The following ARK2C variants were observed in gnomAD, a reference collection of about 807,000 sequenced individuals.
ARK2C encodes arkadia (RNF111) C-terminal like ring finger ubiquitin ligase 2C.
chr18:46,422,026 G>T, the ARK2C span, among the ~76,000 whole-genome samples: 1 of 152,328 alleles, frequency 6.6e-6, no homozygotes, highest in South Asian at 2.1e-4. Context: ...AGCCCTGGGG[G>T]CTAAGCCAAG....
the ARK2C span, among the ~76,000 whole-genome samples, chr18:46,348,894 C>A: frequency 2.9e-5 from 4 of 138,086 alleles, no homozygotes; most frequent in Admixed American, 8.0e-5. Flanking sequence ...CTCTCTCTCT[C>A]TCTTTCTGTG....
chr18:46,346,372 G>A, the ARK2C span, among the ~76,000 whole-genome samples: 17 of 152,260 alleles, frequency 1.1e-4, no homozygotes, highest in African/African-American at 4.1e-4. Flanking sequence ...AGTACTGTGC[G>A]AACATCACTA....
At chr18:46,404,656 G>C in the ARK2C span, among the ~76,000 whole-genome samples, 1 of 152,072 alleles carries the variant, frequency 6.6e-6, no homozygotes, top group Non-Finnish European at 1.5e-5. Context: ...GGGAGGCTGA[G>C]GCAGGAGAAT....
chr18:46,372,535 T>G, the ARK2C span, among the ~76,000 whole-genome samples: 1 of 152,166 alleles, frequency 6.6e-6, no homozygotes, highest in Non-Finnish European at 1.5e-5. Context: ...CACCCCACAT[T>G]CTAGCTTGTT....
chr18:46,344,170 C>T, the ARK2C span, among the ~76,000 whole-genome samples: 34 of 152,300 alleles, frequency 2.2e-4, no homozygotes, highest in African/African-American at 7.7e-4. Context: ...AAGGAAGCGG[C>T]GGCTGCTGAC....
At chr18:46,424,315 G>A in the ARK2C span, among the ~76,000 whole-genome samples, 1 of 152,242 alleles carries the variant, frequency 6.6e-6, no homozygotes, top group Non-Finnish European at 1.5e-5. Context: ...GGGTCTGGGA[G>A]AGATGAGGAA....
the ARK2C span, among the ~76,000 whole-genome samples, chr18:46,410,070 C>T: frequency 6.6e-6 from 1 of 152,138 alleles, no homozygotes; most frequent in African/African-American, 2.4e-5. Context: ...GTGGGCCCTG[C>T]TGTTTTACTT....
chr18:46,456,564 G>A, the ARK2C span: 9 of 1,614,118 alleles, frequency 5.6e-6, no homozygotes, highest in Non-Finnish European at 5.9e-6. Context: ...GCGTGGACCA[G>A]TGGCTCGCCA....
the ARK2C span, among the ~76,000 whole-genome samples, chr18:46,369,153 G>A: frequency 4.6e-5 from 7 of 152,284 alleles, no homozygotes; most frequent in Non-Finnish European, 1.0e-4. Flanking sequence ...CCATGTTTTT[G>A]TTTTCCCCTG....
chr18:46,401,848 G>A, the ARK2C span, among the ~76,000 whole-genome samples: 2 of 152,190 alleles, frequency 1.3e-5, no homozygotes, highest in African/African-American at 4.8e-5. Flanking sequence ...ATGTAGCTCT[G>A]GTTGAAGGGC....
chr18:46,433,558 G>T, the ARK2C span: 2 of 1,480,214 alleles, frequency 1.4e-6, no homozygotes, highest in South Asian at 1.3e-5. Context: ...GGGTGAGGGG[G>T]CAGGGCCAGG....
the ARK2C span, chr18:46,450,263 C>T: frequency 2.1e-6 from 3 of 1,428,060 alleles, no homozygotes. Context: ...ACCTTGAATC[C>T]TTGCTCTATC....
chr18:46,438,282 C>A, the ARK2C span, among the ~76,000 whole-genome samples: 3 of 152,306 alleles, frequency 2.0e-5, no homozygotes, highest in Admixed American at 1.3e-4. Flanking sequence ...GCCTTAGGGG[C>A]TAATTTCTCT....
the ARK2C span, among the ~76,000 whole-genome samples, chr18:46,359,606 G>A: frequency 6.6e-6 from 1 of 152,220 alleles, no homozygotes; most frequent in African/African-American, 2.4e-5. Flanking sequence ...GAAAGCCCAT[G>A]TATGAGCTAG....
chr18:46,450,904 A>G, the ARK2C span: 1 of 791,732 alleles, frequency 1.3e-6, no homozygotes, highest in African/African-American at 1.7e-5. Context: ...TCCAGATTCT[A>G]GAAACCTTTG....
At chr18:46,412,514 A>G in the ARK2C span, among the ~76,000 whole-genome samples, 7 of 152,218 alleles carry the variant, frequency 4.6e-5, no homozygotes, top group Admixed American at 4.6e-4. Context: ...CCTCATACTG[A>G]GTGCAGCCCA....
chr18:46,334,818 T>C, the ARK2C span: 2 of 217,564 alleles, frequency 9.2e-6, no homozygotes, highest in South Asian at 3.7e-4. The surrounding 1 kb of genome is among the most constrained non-coding windows in gnomAD (Gnocchi z 4.4). Flanking sequence ...TTGTATTCAT[T>C]TTTTGTTCAT....
At chr18:46,456,110 C>T in the ARK2C span, 8 of 1,343,940 alleles carry the variant, frequency 6.0e-6, no homozygotes, top group Admixed American at 7.3e-5. Flanking sequence ...ATTCCCTCTC[C>T]CCTCTCTTAT....
At chr18:46,401,342 C>T in the ARK2C span, among the ~76,000 whole-genome samples, 1 of 152,204 alleles carries the variant, frequency 6.6e-6, no homozygotes, top group Non-Finnish European at 1.5e-5. Flanking sequence ...CTATTTCTCC[C>T]ATCACCAACA....
Sources: allele counts gnomAD v4.1 joint callset (sites outside exome capture counted in the v4.1 genomes callset), GRCh38; gene constraint gnomAD v4.1.1; non-coding constraint Gnocchi (gnomAD v3.1); transcripts MANE v1.5; gene names NCBI Gene and HGNC (gene_info 2026-07-23, HGNC 2026-07-21).